The following EFCAB13 variants were observed in gnomAD, a reference collection of about 807,000 sequenced individuals.
The protein encoded by EFCAB13 is EF-hand calcium binding domain 13.
Under a neutral mutation model 110.2 loss-of-function variants are expected in EFCAB13, and 91 were observed. The ratio of observed to expected loss-of-function variants is 0.83; its 90% CI spans 0.70 to 0.98. EFCAB13 has a LOEUF of 0.98. EFCAB13 is among the 50% of genes least tolerant of loss of function. EFCAB13 has a pLI of 0.00. For synonymous variants in EFCAB13, 323 were observed against 369.9 expected, an observed-to-expected ratio of 0.87 and a Z score of 1.45; for missense variants, 968 against 1,119.4, an observed-to-expected ratio of 0.86 and a Z score of 1.93.
At chr17:47,406,743 T>G (rs527734377) in intron 20 of EFCAB13, among the ~76,000 whole-genome samples, 3 of 152,294 alleles carry the variant, frequency 2.0e-5, no homozygotes, top group East Asian at 3.9e-4. Flanking sequence ...GGAACCATAT[T>G]TGACATTTGG....
intron 24 of EFCAB13, among the ~76,000 whole-genome samples, chr17:47,434,281 G>C (rs557650646): frequency 2.7e-5 from 4 of 150,524 alleles, no homozygotes; most frequent in Non-Finnish European, 1.5e-5. Flanking sequence ...GCTGAGAATC[G>C]AATCAAGAAC....
chr17:47,439,702 TCTAAC>T (rs1341977382), intron 24 of EFCAB13, among the ~76,000 whole-genome samples: 1 of 152,122 alleles, frequency 6.6e-6, no homozygotes, highest in East Asian at 1.9e-4. Context: ...AAGCAGTGTT[TCTAAC>T]CTTTTTTTCT....
chr17:47,343,557 G>C (rs943044023), intron 6 of EFCAB13, among the ~76,000 whole-genome samples: 2 of 152,072 alleles, frequency 1.3e-5, no homozygotes, highest in Admixed American at 1.3e-4. Context: ...TAACGTGAGA[G>C]TCTTTTTTCC....
intron 10 of EFCAB13, among the ~76,000 whole-genome samples, chr17:47,365,230 T>C (rs1057070967): frequency 6.6e-6 from 1 of 152,230 alleles, no homozygotes; most frequent in African/African-American, 2.4e-5. Context: ...TTATAGCACA[T>C]ATTAACCGCT....
chr17:47,339,335 T>TA (rs1483433735), intron 5 of EFCAB13, among the ~76,000 whole-genome samples: 1 of 152,134 alleles, frequency 6.6e-6, no homozygotes, highest in East Asian at 1.9e-4. Context: ...TAATGGGAGA[T>TA]AATTTTTCCA....
intron 22 of EFCAB13, among the ~76,000 whole-genome samples, chr17:47,413,399 G>A (rs1209205807): frequency 6.6e-6 from 1 of 152,100 alleles, no homozygotes; most frequent in African/African-American, 2.4e-5. Flanking sequence ...CATGTAATAT[G>A]TACTTGATCT....
In EFCAB13 at chr17:47,370,489, G is replaced by A; in HGVS notation, c.858G>A (p.Gln286=). 5.6e-6 allele frequency: 9 copies of A among 1,607,772 alleles called. No individual in the cohort carries two copies. The highest frequency in any genetic ancestry group is 6.8e-6 in the Non-Finnish European group (8 of 1,174,708). Reference sequence around the variant, plus strand: ...TTATATTTACTTTGAATGAGCTACAGGAACAGTATGAGGATGTTTGTAAGT... The same window carrying A: ...TTATATTTACTTTGAATGAGCTACAAGAACAGTATGAGGATGTTTGTAAGT... ...GDIIFTLNEL[Q]EQYEDVSITE... is the part of the protein sequence containing the mutation. Residue 286 remains glutamine (Q), a synonymous_variant, in exon 11 of 25, where the codon CAG becomes CAA. Transcript: ENST00000331493.
At chr17:47,341,529 T>C (rs2065384781) in intron 5 of EFCAB13, 1 of 153,840 alleles carries the variant, frequency 6.5e-6, no homozygotes. Context: ...TCTATTTTTT[T>C]GGTATTTTTA....
intron 10 of EFCAB13, among the ~76,000 whole-genome samples, chr17:47,362,547 T>C (rs754047962): frequency 4.3e-4 from 66 of 152,220 alleles, no homozygotes; most frequent in Non-Finnish European, 7.9e-4. Context: ...CTCCACCTCT[T>C]GTGGAGGGCC....
At chr17:47,384,593 C>G (rs572665788) in intron 14 of EFCAB13, among the ~76,000 whole-genome samples, 18 of 152,222 alleles carry the variant, frequency 1.2e-4, no homozygotes, top group Admixed American at 2.6e-4. Context: ...TTCTCCTTCA[C>G]TTATAAAACT....
At chr17:47,411,385 A>G (rs1273945589) in intron 21 of EFCAB13, among the ~76,000 whole-genome samples, 2 of 152,154 alleles carry the variant, frequency 1.3e-5, no homozygotes, top group Admixed American at 6.5e-5. Flanking sequence ...CTCAGTTCAA[A>G]TGTCATTTCT....
rs1476488936 is a variant in EFCAB13 at position 47,431,301 on chromosome 17, CT to C, written c.2638+1348del. Reference sequence around the variant, plus strand: ...ATTTTTTCTTTGTTTTTTTTTAACTCTTTTTTTTCCTTTTTTCAGTCAGCTT... The same window carrying C: ...ATTTTTTCTTTGTTTTTTTTTAACTCTTTTTTTCCTTTTTTCAGTCAGCTT... On this transcript the variant is annotated intron_variant, in intron 24 of 24. Coordinates refer to ENST00000331493, the MANE Select transcript of EFCAB13 (RefSeq NM_152347.5). This position sits in a 1 kb window ranked among gnomAD's most constrained non-coding sequence, Gnocchi z 4.1. Among the ~76,000 whole-genome samples the C allele has an allele frequency of 6.6e-6, 1 of 150,842 alleles. No homozygotes were observed. The highest frequency in any genetic ancestry group is 1.5e-5 in the Non-Finnish European group (1 of 67,698).
chr17:47,432,845 G>A (rs72829645), intron 24 of EFCAB13, among the ~76,000 whole-genome samples: 12,744 of 152,080 alleles, frequency 0.084, 701 homozygotes, highest in East Asian at 0.28. Flanking sequence ...TTTATTTGAA[G>A]TGTTTACATT....
intron 10 of EFCAB13, among the ~76,000 whole-genome samples, chr17:47,364,460 G>A (rs999963001): frequency 6.6e-6 from 1 of 151,876 alleles, no homozygotes; most frequent in Non-Finnish European, 1.5e-5. Context: ...TTACAGGCAC[G>A]TGCCACCAAG....
chr17:47,377,831 A>G lies in EFCAB13; in HGVS notation c.1438A>G (p.Ile480Val). ...NYIAAEELQS[I>V]LPSTGINLLD... is the part of the protein sequence containing the mutation. ...CATTGCAGCAGAAGAACTTCAGTCT[A>G]TTTTGCCTTCAACAGGAATTAATTT... is the stretch of plus-strand genomic sequence containing the variant. The change falls in exon 13 of 25, where the codon ATT becomes GTT. Residue 480 changes from isoleucine to valine, a missense_variant. Transcript: ENST00000331493. The G allele has an allele frequency of 6.3e-7, 1 of 1,597,168 alleles. No homozygotes were observed. Among genetic ancestry groups the G allele is most frequent in the South Asian group, 1.2e-5 (1 of 86,632 alleles).
Position 47,345,567 on chromosome 17 carries a change from G to A in EFCAB13, c.517+469G>A, listed in dbSNP as rs534951111. Among the ~76,000 whole-genome samples, 268 of 152,152 alleles carry A rather than the reference G, an allele frequency of 1.8e-3. 2 individuals are homozygous for A. Among genetic ancestry groups the A allele is most frequent in the African/African-American group, 6.4e-3 (265 of 41,514 alleles). ...ACCTTAACTCTGGTTGTCATATTGT[G>A]TATCTTAGTGTCCAAATGGGTGACT... is the stretch of plus-strand genomic sequence containing the variant. On this transcript the variant is annotated intron_variant, in intron 8 of 24. Coordinates refer to ENST00000331493, the MANE Select transcript of EFCAB13 (RefSeq NM_152347.5).
Position 47,328,366 on chromosome 17 carries a change from G to A in EFCAB13, c.13G>A (p.Val5Ile), listed in dbSNP as rs754777063. Residue 5 changes from valine to isoleucine, a missense_variant, in exon 4 of 25, where the codon GTA (valine) becomes ATA (isoleucine). Val to Ile is a conservative substitution (Grantham distance 29). Coordinates refer to ENST00000331493, the MANE Select transcript of EFCAB13 (RefSeq NM_152347.5). METK[V>I]HLFCQAEENI... The stretch of plus-strand genomic sequence containing the variant: ...TCTAAACAGAAAGATGGAAACTAAA[G>A]TACATTTATTCTGCCAGGTATTTAT... The A allele has an allele frequency of 1.9e-6, 3 of 1,599,008 alleles. No individual in the cohort carries two copies. The highest frequency in any genetic ancestry group is 2.2e-5 in the East Asian group (1 of 44,620).
intron 9 of EFCAB13, among the ~76,000 whole-genome samples, chr17:47,356,253 G>T (rs2065479851): frequency 6.6e-6 from 1 of 152,126 alleles, no homozygotes; most frequent in South Asian, 2.1e-4. Flanking sequence ...ATCTTCTGGA[G>T]ATGTAAAAGA....
chr17:47,350,601 G>GT (rs148096538), intron 9 of EFCAB13, among the ~76,000 whole-genome samples: 13,216 of 150,152 alleles, frequency 0.088, 824 homozygotes, highest in East Asian at 0.35. Flanking sequence ...GTGTGTGTGT[G>GT]TTTTTTTTTC....
Sources: allele counts gnomAD v4.1 joint callset (sites outside exome capture counted in the v4.1 genomes callset), GRCh38; gene constraint gnomAD v4.1.1; non-coding constraint Gnocchi (gnomAD v3.1); transcripts MANE v1.5; gene names NCBI Gene and HGNC (gene_info 2026-07-23, HGNC 2026-07-21).